The following RYR1 variants were observed in gnomAD, a reference collection of about 807,000 sequenced individuals.
RYR1 encodes central core disease of muscle.
Under a neutral mutation model 583.5 loss-of-function variants are expected in RYR1, and 342 were observed. The ratio of observed to expected loss-of-function variants is 0.59; its 90% CI spans 0.54 to 0.64. The LOEUF (loss-of-function observed/expected upper bound fraction) is 0.64. Among genes scored for constraint, RYR1 ranks in the 30% least tolerant of loss-of-function variants. The pLI, the probability that RYR1 is intolerant of heterozygous loss-of-function variation, is 0.00. For synonymous variants in RYR1, 2,791 were observed against 2,822.5 expected, an observed-to-expected ratio of 0.99 and a Z score of 0.35; for missense variants, 6,032 against 6,917.2, an observed-to-expected ratio of 0.87 and a Z score of 4.54.
At chr19:38,462,167 C>T (rs1046994581) in intron 20 of RYR1, among the ~76,000 whole-genome samples, 4 of 152,302 alleles carry the variant, frequency 2.6e-5, no homozygotes, top group South Asian at 2.1e-4. Flanking sequence ...TTTTCAGTCA[C>T]GTGATCTTGG....
At position 38,502,499 on chromosome 19, in the gene RYR1, C is replaced by A; in HGVS notation, c.7615-8C>A. 1 of 1,603,240 alleles carries A rather than the reference C, an allele frequency of 6.2e-7. No homozygotes were observed. On this transcript the variant is annotated splice_polypyrimidine_tract_variant and splice_region_variant and intron_variant, in intron 47 of 105. Coordinates refer to ENST00000359596, the MANE Select transcript of RYR1 (RefSeq NM_000540.3). The stretch of plus-strand genomic sequence containing the variant: ...CAGCGGGCCTGATGTCCTCACCCTG[C>A]GCCCTAGGCCACTTTCAGCACCACC...
chr19:38,434,612 G>T (rs954659253), intron 1 of RYR1, among the ~76,000 whole-genome samples: 1 of 152,234 alleles, frequency 6.6e-6, no homozygotes, highest in East Asian at 1.9e-4. Flanking sequence ...CCAGCTGGGG[G>T]CAGGGATGGG....
In RYR1 at chr19:38,532,528, A is replaced by G. The variant is rs751930696; in HGVS notation, c.11180A>G (p.Asp3727Gly). The G allele has an allele frequency of 6.2e-7, 1 of 1,614,074 alleles. No individual in the cohort carries two copies. Among genetic ancestry groups the G allele is most frequent in the East Asian group, 2.2e-5 (1 of 44,880 alleles). ...GATTACCTGTACATGGCCTATGCTG[A>G]TATCATGGCAAAGGTGAGGCCCTAC... ...DEDYLYMAYA[D>G]IMAKSCHLEE... Residue 3727 changes from aspartate (D) to glycine (G), a missense_variant, in exon 77 of 106, where the codon GAT (aspartate) becomes GGT (glycine). Coordinates refer to ENST00000359596, the MANE Select transcript of RYR1 (RefSeq NM_000540.3).
chr19:38,580,383 T>C lies in RYR1; in HGVS notation c.14525T>C (p.Val4842Ala), dbSNP rs1334535977. 1 of 1,614,028 alleles carries C rather than the reference T, an allele frequency of 6.2e-7. No homozygotes were observed. Among genetic ancestry groups the C allele is most frequent in the Non-Finnish European group, 8.5e-7 (1 of 1,179,988 alleles). Residue 4842 changes from valine to alanine, a missense_variant, in exon 101 of 106, where the codon GTG (valine) becomes GCG (alanine). By Grantham distance (64) the Val-to-Ala change is moderately conservative (BLOSUM62 0). Around this residue, in one of 11 missense-constraint regions of RYR1, gnomAD observed 189 missense variants for 350.3 expected, o/e 0.54. Transcript: ENST00000359596. ...THNGKQLVMT[V>A]GLLAVVVYLY... is the part of the protein sequence containing the mutation. The stretch of plus-strand genomic sequence containing the variant: ...TCCTGCCCCCAGCTGGTGATGACCG[T>C]GGGCCTTCTGGCGGTGGTCGTCTAC...
chr19:38,525,653 T>C, intron 71 of RYR1, 151 bp downstream of exon 71: 1 of 880,534 alleles, frequency 1.1e-6, no homozygotes, highest in South Asian at 1.4e-5. Flanking sequence ...TTTTCCGGGA[T>C]GCTGAGGACT....
chr19:38,521,208 C>T (rs1214802092), intron 67 of RYR1, among the ~76,000 whole-genome samples: 2 of 152,010 alleles, frequency 1.3e-5, no homozygotes, highest in African/African-American at 4.8e-5. Flanking sequence ...GTGGGAGGAT[C>T]GTTTGAGCCC....
chr19:38,534,259 C>T (rs1173905813), intron 78 of RYR1, among the ~76,000 whole-genome samples: 2 of 152,058 alleles, frequency 1.3e-5, no homozygotes, highest in Admixed American at 6.6e-5. Context: ...GATCTCCCTG[C>T]CTCGGCCTCC....
At chr19:38,552,722 G>C (rs1001720949) in intron 89 of RYR1, among the ~76,000 whole-genome samples, 2 of 152,134 alleles carry the variant, frequency 1.3e-5, no homozygotes, top group Non-Finnish European at 2.9e-5. Context: ...TGGTCTAATC[G>C]ATAGTCAGTG....
chr19:38,537,981 G>T (rs1972047239), intron 84 of RYR1, 21 bp downstream of exon 84: 1 of 1,581,428 alleles, frequency 6.3e-7, no homozygotes, highest in Non-Finnish European at 8.7e-7. Context: ...GGGGTGTGGG[G>T]TGGAGGGGAA....
Position 38,496,893 on chromosome 19 carries a change from C to T in RYR1, c.6830C>T (p.Ala2277Val). The change falls in exon 42 of 106, where the codon GCT becomes GTT. Residue 2277 changes from alanine (A) to valine (V), a missense_variant. Around this residue, in one of 11 missense-constraint regions of RYR1, gnomAD observed 2,627 missense variants for 2,961.3 expected, o/e 0.89. Transcript: ENST00000359596. The surrounding 1 kb of genome is among the most constrained non-coding windows in gnomAD (Gnocchi z 4.8). ...MQGSTPLDVA[A>V]ASVIDNNELA... ...GGCTCCACGCCCCTGGACGTGGCTG[C>T]TGCCTCCGTCATTGACAACAATGAG... 1 of 1,613,456 alleles carries T rather than the reference C, an allele frequency of 6.2e-7. No homozygotes were observed. Among genetic ancestry groups the T allele is most frequent in the Non-Finnish European group, 8.5e-7 (1 of 1,179,990 alleles).
chr19:38,532,246 C>T (rs185235124), intron 76 of RYR1, among the ~76,000 whole-genome samples: 10 of 152,040 alleles, frequency 6.6e-5, no homozygotes, highest in Admixed American at 4.6e-4. Context: ...CTCAGCCTCC[C>T]GAGTAGCTGG....
intron 63 of RYR1, among the ~76,000 whole-genome samples, chr19:38,514,306 A>G (rs1970858329): frequency 6.9e-6 from 1 of 145,844 alleles, no homozygotes; most frequent in African/African-American, 2.6e-5. Context: ...TTTGAGACAG[A>G]GTCTCGGTCT....
intron 12 of RYR1, among the ~76,000 whole-genome samples, chr19:38,452,458 C>A (rs1019872933): frequency 1.3e-5 from 2 of 152,028 alleles, no homozygotes; most frequent in Admixed American, 1.3e-4. Flanking sequence ...ATACACATGA[C>A]CCCTAACCTC....
chr19:38,509,441 ATTATTATTATTT>A (rs1970623371), intron 58 of RYR1, among the ~76,000 whole-genome samples: 1 of 127,058 alleles, frequency 7.9e-6, no homozygotes. Context: ...TATTATTATT[ATTATTATTATTT>A]TTTTTTTTTT....
intron 3 of RYR1, among the ~76,000 whole-genome samples, chr19:38,443,322 T>C (rs1203784127): frequency 6.6e-6 from 1 of 152,132 alleles, no homozygotes; most frequent in African/African-American, 2.4e-5. Flanking sequence ...GAGTGGGCTT[T>C]GGGGAATATA....
At chr19:38,539,877 A>G (rs1416551917) in intron 84 of RYR1, among the ~76,000 whole-genome samples, 1 of 151,956 alleles carries the variant, frequency 6.6e-6, no homozygotes, top group African/African-American at 2.4e-5. Flanking sequence ...TGTATCTTTT[A>G]TTTTTGCATA....
intron 38 of RYR1, among the ~76,000 whole-genome samples, chr19:38,493,516 GT>G (rs58975597): frequency 0.015 from 1,775 of 115,686 alleles, 29 homozygotes; most frequent in African/African-American, 0.057. Flanking sequence ...TTTCTTTTTC[GT>G]TTTTTTTTTT....
chr19:38,481,581 A>C (rs1969012924), intron 31 of RYR1, among the ~76,000 whole-genome samples: 2 of 152,056 alleles, frequency 1.3e-5, no homozygotes, highest in East Asian at 3.9e-4. Flanking sequence ...GTCCTGTGGC[A>C]CTTTGCTCCT....
At chr19:38,451,520 GAGAT>G (rs921157370) in intron 11 of RYR1, among the ~76,000 whole-genome samples, 35 of 152,206 alleles carry the variant, frequency 2.3e-4, no homozygotes, top group African/African-American at 7.7e-4. Flanking sequence ...AGAGGTGAGA[GAGAT>G]AGAGAGACAA....
Sources: gnomAD v4.1 joint callset for allele counts (sites outside exome capture counted in the v4.1 genomes callset) on GRCh38, gnomAD v4.1.1 for gene constraint, gnomAD v4.1.1 regional missense constraint, Gnocchi (gnomAD v3.1) non-coding constraint, MANE v1.5 for transcripts, NCBI Gene and HGNC (gene_info 2026-07-23, HGNC 2026-07-21) for gene names.